Variants in ZNF385D observed in about 807,000 individuals in gnomAD.
ZNF385D encodes zinc finger protein 659.
Under a neutral mutation model 35.8 loss-of-function variants are expected in ZNF385D, and 15 were observed. The observed-to-expected ratio is 0.42, with a 90% CI of 0.28 to 0.64. ZNF385D has a LOEUF of 0.64. Among genes scored for constraint, ZNF385D ranks in the 30% least tolerant of loss-of-function variants. ZNF385D has a pLI of 0.23. For missense variants in ZNF385D, 474 were observed against 494.6 expected (o/e 0.96, Z 0.39); for synonymous variants, 212 against 186.8 (o/e 1.13, Z -1.10).
intron 2 of ZNF385D, among the ~76,000 whole-genome samples, chr3:22,171,123 A>C (rs1694389892): frequency 6.6e-6 from 1 of 152,196 alleles, no homozygotes; most frequent in Admixed American, 6.5e-5. Context: ...TGAAAAAATA[A>C]ATCAATAAAT....
At chr3:21,760,438 A>C (rs777747809) in intron 3 of ZNF385D, among the ~76,000 whole-genome samples, 9 of 152,138 alleles carry the variant, frequency 5.9e-5, no homozygotes, top group Non-Finnish European at 1.0e-4. Flanking sequence ...GTATCTTCAA[A>C]AGGTAAACAA....
At chr3:21,694,799 C>A (rs754719206) in intron 1 of ZNF385D, among the ~76,000 whole-genome samples, 1 of 152,142 alleles carries the variant, frequency 6.6e-6, no homozygotes, top group African/African-American at 2.4e-5. Context: ...TTCTTACTAA[C>A]TGTGTAGTGT....
At chr3:22,306,215 G>C (rs1218778454) in intron 2 of ZNF385D, among the ~76,000 whole-genome samples, 2 of 152,056 alleles carry the variant, frequency 1.3e-5, no homozygotes, top group South Asian at 2.1e-4. Context: ...TCATGAGGAT[G>C]AATTTGACAG....
chr3:22,237,096 C>T (rs1699227991), intron 2 of ZNF385D, among the ~76,000 whole-genome samples: 2 of 152,146 alleles, frequency 1.3e-5, no homozygotes, highest in African/African-American at 2.4e-5. Context: ...TGAAGAACTG[C>T]CAAACTGATT....
intron 2 of ZNF385D, among the ~76,000 whole-genome samples, chr3:22,230,093 G>A (rs1275345702): frequency 3.3e-5 from 5 of 152,028 alleles, no homozygotes; most frequent in Non-Finnish European, 7.4e-5. Flanking sequence ...TAGTCCTGAG[G>A]GACAACGATG....
At chr3:21,851,353 T>C (rs144708999) in intron 3 of ZNF385D, among the ~76,000 whole-genome samples, 139 of 152,180 alleles carry the variant, frequency 9.1e-4, no homozygotes, top group African/African-American at 3.2e-3. Context: ...TTGCTTTAGT[T>C]TGGCAACTTC....
chr3:21,998,376 C>T (rs1443063051), intron 3 of ZNF385D, among the ~76,000 whole-genome samples: 1 of 152,156 alleles, frequency 6.6e-6, no homozygotes, highest in African/African-American at 2.4e-5. Flanking sequence ...AAGCCAAGAA[C>T]CCTCCCAAGC....
intron 4 of ZNF385D, among the ~76,000 whole-genome samples, chr3:21,502,259 C>T (rs1213540027): frequency 1.3e-5 from 2 of 152,186 alleles, no homozygotes; most frequent in African/African-American, 2.4e-5. Context: ...CCGGGACAGA[C>T]TTTGTCACAG....
rs142614224 is a variant in ZNF385D, at chr3:21,820,177, C to G, written c.326-155149G>C. ...AGGAGAATATACTTCTTTTAAAGCC[C>G]AGTTGGAACATTTATACAGATTGAT... is the stretch of plus-strand genomic sequence containing the variant. On this transcript the variant is annotated intron_variant, in intron 3 of 5. Coordinates refer to the ZNF385D transcript ENST00000494108. 8.2e-3 allele frequency among the ~76,000 whole-genome samples: 1,247 copies of G among 151,626 alleles called. 8 individuals carry two copies. Among genetic ancestry groups the G allele is most frequent in the Middle Eastern group, 0.066 (19 of 290 alleles).
At chr3:21,892,415 T>C (rs1438607449) in intron 3 of ZNF385D, among the ~76,000 whole-genome samples, 1 of 152,178 alleles carries the variant, frequency 6.6e-6, no homozygotes, top group Non-Finnish European at 1.5e-5. Context: ...AGAGAAATCA[T>C]TTTCAAAGTG....
intron 1 of ZNF385D, among the ~76,000 whole-genome samples, chr3:21,736,330 T>A (rs147627838): frequency 6.6e-6 from 1 of 152,232 alleles, no homozygotes; most frequent in South Asian, 2.1e-4. Context: ...TACTCCAGTT[T>A]ATTTCTAAGC....
chr3:22,077,259 G>A (rs1700510218), intron 3 of ZNF385D, among the ~76,000 whole-genome samples: 1 of 151,722 alleles, frequency 6.6e-6, no homozygotes, highest in African/African-American at 2.4e-5. Flanking sequence ...AATTTTCCTG[G>A]ACTAGATTAT....
chr3:21,627,308 G>A (rs2065164681), intron 2 of ZNF385D, among the ~76,000 whole-genome samples: 1 of 145,592 alleles, frequency 6.9e-6, no homozygotes, highest in Non-Finnish European at 1.5e-5. Flanking sequence ...GGTTTGTGAA[G>A]GTCAACCACT....
At chr3:21,929,821 A>T (rs1005354376) in intron 3 of ZNF385D, among the ~76,000 whole-genome samples, 1 of 151,998 alleles carries the variant, frequency 6.6e-6, no homozygotes, top group Non-Finnish European at 1.5e-5. Flanking sequence ...AAATAGGGAG[A>T]CATTCTGCGT....
intron 3 of ZNF385D, among the ~76,000 whole-genome samples, chr3:21,865,611 T>G (rs1255403293): frequency 6.6e-6 from 1 of 152,120 alleles, no homozygotes; most frequent in Non-Finnish European, 1.5e-5. Context: ...ATCAAGAACT[T>G]GCTTTGGGAG....
intron 3 of ZNF385D, among the ~76,000 whole-genome samples, chr3:21,886,416 T>C (rs915166811): frequency 6.6e-6 from 1 of 152,030 alleles, no homozygotes; most frequent in African/African-American, 2.4e-5. Context: ...TGTGCAACAT[T>C]TGAACTGAGC....
At chr3:21,750,750 C>T in intron 1 of ZNF385D, 145 bp downstream of exon 1, 7 of 915,348 alleles carry the variant, frequency 7.6e-6, no homozygotes, top group South Asian at 1.6e-5. Context: ...GCTTTGAAGG[C>T]TGCACCGGCT....
chr3:21,841,700 A>G (rs1337741373), intron 3 of ZNF385D, among the ~76,000 whole-genome samples: 2 of 152,000 alleles, frequency 1.3e-5, no homozygotes, highest in African/African-American at 2.4e-5. Flanking sequence ...ATAAGTATGC[A>G]TAATTCTTCC....
chr3:22,208,445 T>C (rs1198402919), intron 2 of ZNF385D, among the ~76,000 whole-genome samples: 1 of 151,342 alleles, frequency 6.6e-6, no homozygotes, highest in African/African-American at 2.4e-5. Flanking sequence ...GGCTGGCAAG[T>C]GTGGGGTGGG....
Sources: gnomAD v4.1 joint callset for allele counts (sites outside exome capture counted in the v4.1 genomes callset) on GRCh38, gnomAD v4.1.1 for gene constraint, MANE v1.5 for transcripts, NCBI Gene and HGNC (gene_info 2026-07-23, HGNC 2026-07-21) for gene names.